FAM149A: variants seen among roughly 807,000 people sequenced by gnomAD.
FAM149A encodes family with sequence similarity 149 member A, also known as protein FAM149A.
In FAM149A, 71 loss-of-function variants were observed where a neutral mutation model predicts 78.2. That is an observed-to-expected ratio of 0.91 (90% CI 0.75 to 1.11). The LOEUF is 1.11. Among genes scored for constraint, FAM149A ranks in the 50% least tolerant of loss-of-function variants. The pLI, the probability that FAM149A is intolerant of heterozygous loss-of-function variation, is 0.00. For synonymous variants in FAM149A, 446 were observed against 410.5 expected, an observed-to-expected ratio of 1.09 and a Z score of -1.04; for missense variants, 1,036 against 971.0, an observed-to-expected ratio of 1.07 and a Z score of -0.89.
At chr4:186,117,208 A>G (rs1364329783) in intron 1 of FAM149A, among the ~76,000 whole-genome samples, 1 of 152,158 alleles carries the variant, frequency 6.6e-6, no homozygotes, top group Non-Finnish European at 1.5e-5. Context: ...TATTCTTACT[A>G]CCCACAGCAT....
intron 1 of FAM149A, chr4:186,116,768 G>A: frequency 4.1e-6 from 4 of 982,054 alleles, no homozygotes; most frequent in South Asian, 9.4e-5. Flanking sequence ...ATTTGAGTTA[G>A]CAGTTATATG....
rs781534240 is a variant in FAM149A at position 186,173,692 on chromosome 4, GGCAGCA to G, written c.*1726_*1731del. ...ATTTCTATAGCAATGAGACACATTA[GGCAGCA>G]GCAGCAGCAGCAGCAGCAGCGACCA... On this transcript the variant is annotated 3_prime_UTR_variant, in exon 14 of 14. Transcript: ENST00000389354. Among the ~76,000 whole-genome samples the G allele has an allele frequency of 2.2e-3, 238 of 110,250 alleles. 45 individuals are homozygous for G. The highest frequency in any genetic ancestry group is 6.3e-3 in the African/African-American group (222 of 35,020). The allele number at this position is 110,250 out of a possible 152,430, so 72.3% of individuals were successfully genotyped here.
chr4:186,117,788 A>C, intron 1 of FAM149A: 1 of 773,728 alleles, frequency 1.3e-6, no homozygotes, highest in African/African-American at 1.9e-5. Context: ...GGGAGCTAGT[A>C]GGAAGCTCTA....
intron 1 of FAM149A, among the ~76,000 whole-genome samples, chr4:186,134,667 C>T (rs1357801523): frequency 6.6e-6 from 1 of 152,068 alleles, no homozygotes; most frequent in Non-Finnish European, 1.5e-5. Context: ...TGCTGGTGTT[C>T]CCACCCAAAG....
chr4:186,152,764 T>C (rs894616241), intron 4 of FAM149A, among the ~76,000 whole-genome samples: 2 of 151,688 alleles, frequency 1.3e-5, no homozygotes, highest in Non-Finnish European at 2.9e-5. Context: ...CAGGATGGTC[T>C]TGATCTCCTG....
rs1372455652 is a variant in FAM149A at position 186,150,493 on chromosome 4, C to T, written c.789+789C>T. On this transcript the variant is annotated intron_variant, in intron 3 of 13. Coordinates refer to ENST00000389354, the MANE Select transcript of FAM149A (RefSeq NM_001367768.3). ...GGAGTGCAGGGGCGCGATCTCGGCT[C>T]ACTGCAAGCTCCGCCTCCCGGGTTC... 1.4e-3 allele frequency among the ~76,000 whole-genome samples: 186 copies of T among 130,566 alleles called. 1 individual carries two copies. The highest frequency in any genetic ancestry group is 2.2e-3 in the Admixed American group (27 of 12,512). 85.7% of individuals were successfully genotyped at this position (130,566 alleles called of 152,430 possible).
intron 1 of FAM149A, chr4:186,118,268 C>T (rs1432488427): frequency 1.0e-6 from 1 of 980,260 alleles, no homozygotes; most frequent in Non-Finnish European, 1.2e-6. Context: ...TGAGGAGCGT[C>T]TCCTTTCTCT....
In FAM149A at chr4:186,162,789, C is replaced by T. The variant is rs1438283442; in HGVS notation, c.1576-56C>T. 56 of 930,760 alleles carry T rather than the reference C, an allele frequency of 6.0e-5. 2 individuals are homozygous for T. The highest frequency in any genetic ancestry group is 5.9e-4 in the South Asian group (38 of 64,174). 57.7% of individuals were successfully genotyped at this position (930,760 alleles called of 1,614,324 possible). ...TTCGGACAAGCATCAGTCATTGGAA[C>T]GGCACTGGGCATTTGTAATTCTTTT... On this transcript the variant is annotated intron_variant, in intron 8 of 13. Coordinates refer to ENST00000389354, the MANE Select transcript of FAM149A (RefSeq NM_001367768.3).
intron 13 of FAM149A, among the ~76,000 whole-genome samples, chr4:186,168,000 T>C (rs1241069791): frequency 1.3e-5 from 2 of 152,234 alleles, no homozygotes; most frequent in African/African-American, 4.8e-5. Flanking sequence ...AAATGATGAA[T>C]TATGAACCAT....
intron 1 of FAM149A, among the ~76,000 whole-genome samples, 166 bp from the exon 2 acceptor site, chr4:186,149,002 GTGTGT>G (rs1205716519): frequency 7.4e-5 from 4 of 53,754 alleles, no homozygotes; most frequent in Non-Finnish European, 1.3e-4. Context: ...AGGATGGGGT[GTGTGT>G]GTGTGTGTGT....
chr4:186,123,333 C>T, intron 1 of FAM149A: 1 of 985,416 alleles, frequency 1.0e-6, no homozygotes, highest in South Asian at 4.7e-5. Context: ...TGCAAGTTTT[C>T]TTGTCTGTAC....
intron 3 of FAM149A, chr4:186,151,628 A>T (rs1733595075): frequency 3.4e-6 from 2 of 587,368 alleles, no homozygotes; most frequent in South Asian, 1.5e-4. Context: ...GTCCATCTAT[A>T]CCTCTATCTA....
At chr4:186,150,524 A>G (rs1418482947) in intron 3 of FAM149A, among the ~76,000 whole-genome samples, 1 of 125,526 alleles carries the variant, frequency 8.0e-6, no homozygotes, top group South Asian at 2.9e-4. Context: ...GGTTCACGCC[A>G]TTCTCCTGCC....
At position 186,153,701 on chromosome 4, in the gene FAM149A, G is replaced by T. The variant is rs1173143303; in HGVS notation, c.989G>T (p.Gly330Val). 3 of 1,614,106 alleles carry T rather than the reference G, an allele frequency of 1.9e-6. No homozygotes were observed. Among genetic ancestry groups the T allele is most frequent in the Non-Finnish European group, 2.5e-6 (3 of 1,179,968 alleles). ...GACAAAGGCGTCCAGCATTTCCAGG[G>T]CAGCACTCCTGCCTCCGCAGTCCAC... The change falls in exon 5 of 14, where the codon GGC becomes GTC. Residue 330 changes from glycine (G) to valine (V), a missense_variant. Transcript: ENST00000389354.
chr4:186,129,791 A>G (rs1187556101), intron 1 of FAM149A, among the ~76,000 whole-genome samples: 3 of 152,198 alleles, frequency 2.0e-5, no homozygotes, highest in African/African-American at 7.2e-5. Flanking sequence ...ATAGAAGAAG[A>G]AAGAAATGTT....
chr4:186,142,574 C>G (rs1356889488), intron 1 of FAM149A, among the ~76,000 whole-genome samples: 1 of 152,166 alleles, frequency 6.6e-6, no homozygotes, highest in African/African-American at 2.4e-5. Flanking sequence ...CCAGTTGCCA[C>G]CTTGAATAGA....
chr4:186,160,159 GCA>G (rs969906479), intron 8 of FAM149A, among the ~76,000 whole-genome samples: 1 of 86,166 alleles, frequency 1.2e-5, no homozygotes, highest in Non-Finnish European at 2.3e-5. Flanking sequence ...CACACTACAC[GCA>G]CACACACCAC....
chr4:186,153,483 A>C, intron 4 of FAM149A, 162 bp from the exon 5 acceptor site: 1 of 985,118 alleles, frequency 1.0e-6, no homozygotes, highest in Non-Finnish European at 1.2e-6. Flanking sequence ...TCTGGCCTAA[A>C]CTCTCAAAGT....
At position 186,140,790 on chromosome 4, in the gene FAM149A, G is replaced by A. The variant is rs116440996; in HGVS notation, c.567-8383G>A. 3.4e-3 allele frequency among the ~76,000 whole-genome samples: 515 copies of A among 152,284 alleles called. 3 individuals carry two copies. Among genetic ancestry groups the A allele is most frequent in the African/African-American group, 0.012 (491 of 41,564 alleles). ...ATCAATGAAAGATGGAAAATCGTATGGACTAAGTACAGGTAACATTGTATT... is the reference window on the plus strand; with the variant it reads ...ATCAATGAAAGATGGAAAATCGTATAGACTAAGTACAGGTAACATTGTATT... On this transcript the variant is annotated intron_variant, in intron 1 of 13. Transcript: ENST00000389354.
Sources: allele counts gnomAD v4.1 joint callset (sites outside exome capture counted in the v4.1 genomes callset), GRCh38; gene constraint gnomAD v4.1.1; transcripts MANE v1.5; gene names NCBI Gene and HGNC (gene_info 2026-07-23, HGNC 2026-07-21).